Variants in PHF12 observed in about 807,000 individuals in gnomAD.
PHF12 encodes the protein PHD finger protein 12.
PHF12 carries 6 observed loss-of-function variants against 99.8 expected under a neutral mutation model. The ratio of observed to expected loss-of-function variants is 0.06; its 90% CI spans 0.03 to 0.12. The LOEUF (loss-of-function observed/expected upper bound fraction) is 0.12, where lower values mean the gene tolerates loss of function less well. Among genes scored for constraint, PHF12 ranks in the 10% least tolerant of loss-of-function variants. The probability of loss-of-function intolerance (pLI) is 1.00; values close to 1 mark genes in which losing one functional copy is unlikely to be tolerated. For synonymous variants in PHF12, 480 were observed against 514.9 expected, an observed-to-expected ratio of 0.93 and a Z score of 0.92; for missense variants, 954 against 1,300.1, an observed-to-expected ratio of 0.73 and a Z score of 4.09.
At chr17:28,916,723 C>G (rs1211965016) in intron 7 of PHF12, among the ~76,000 whole-genome samples, 1 of 152,230 alleles carries the variant, frequency 6.6e-6, no homozygotes, top group Non-Finnish European at 1.5e-5. Flanking sequence ...TTCTGTCAAT[C>G]TCTGTAAACA....
intron 9 of PHF12, among the ~76,000 whole-genome samples, chr17:28,911,741 G>A (rs552508507): frequency 6.6e-6 from 1 of 152,258 alleles, no homozygotes; most frequent in African/African-American, 2.4e-5. Context: ...TGACTAGGAG[G>A]CCGGCTTCAG....
intron 10 of PHF12, 71 bp downstream of exon 10, chr17:28,911,041 A>G: frequency 6.3e-7 from 1 of 1,592,564 alleles, no homozygotes; most frequent in East Asian, 2.3e-5. Context: ...TTCTGAAATG[A>G]GCTGAATGCT....
chr17:28,909,671 G>A (rs2039926405), intron 11 of PHF12: 1 of 189,398 alleles, frequency 5.3e-6, no homozygotes. Context: ...GCTCACTGCA[G>A]CCTTGACCTC....
intron 3 of PHF12, chr17:28,924,524 G>A: frequency 1.6e-6 from 1 of 608,816 alleles, no homozygotes; most frequent in Non-Finnish European, 2.9e-6. Flanking sequence ...CAAAAAGCAT[G>A]GTAAGTTAGG....
In PHF12 at chr17:28,919,239, A is replaced by G. The variant is rs1450451564; in HGVS notation, c.873T>C (p.Tyr291=). 2.5e-6 allele frequency: 4 copies of G among 1,614,124 alleles called. No individual in the cohort carries two copies. The highest frequency in any genetic ancestry group is 3.4e-6 in the Non-Finnish European group (4 of 1,180,048). The change falls in exon 6 of 15, where the codon TAT becomes TAC. Residue 291 remains tyrosine, a synonymous_variant. Transcript: ENST00000332830. The part of the protein sequence containing the change: ...CRVAPLIQCD[Y]CPLLFHMDCL... ...AATCCATGTGAAACAGGAGAGGGCA[A>G]TAGTCACACTGGATGAGAGGAGCCA... is the stretch of plus-strand genomic sequence containing the variant.
At chr17:28,920,913 G>A (rs1444696204) in intron 5 of PHF12, among the ~76,000 whole-genome samples, 1 of 148,642 alleles carries the variant, frequency 6.7e-6, no homozygotes, top group Non-Finnish European at 1.5e-5. Flanking sequence ...TTGCTCTGTC[G>A]CCCAGGCTGG....
chr17:28,917,549 C>T, intron 6 of PHF12, 100 bp from the exon 7 acceptor site: 1 of 1,324,240 alleles, frequency 7.6e-7, no homozygotes. Flanking sequence ...AGCCCTCAGC[C>T]ACATAGGTTC....
chr17:28,942,328 TG>T (rs2040633177), intron 2 of PHF12, among the ~76,000 whole-genome samples: 1 of 151,988 alleles, frequency 6.6e-6, no homozygotes, highest in African/African-American at 2.4e-5. Context: ...GAGAACAGCC[TG>T]GGTAACACAG....
Position 28,951,476 on chromosome 17 carries a change from C to T in PHF12, c.-516G>A, listed in dbSNP as rs1364966283. On this transcript the variant is annotated 5_prime_UTR_variant, in exon 1 of 15. Transcript: ENST00000332830. ...CTTGGCGCAAACTTACCGCGAGCGC[C>T]CGCAAAGCCACCCGCGCAGGCGCCC... 1.0e-6 allele frequency: 1 copy of T among 985,380 alleles called. No individual in the cohort carries two copies. The highest frequency in any genetic ancestry group is 1.7e-5 in the African/African-American group (1 of 57,234). 61.0% of individuals were successfully genotyped at this position (985,380 alleles called of 1,614,324 possible). A position where few individuals can be genotyped will look rare whatever the true frequency, so the allele number is the denominator to read the frequency against.
chr17:28,937,938 G>A (rs1278176972), intron 2 of PHF12, among the ~76,000 whole-genome samples: 3 of 152,092 alleles, frequency 2.0e-5, no homozygotes, highest in Admixed American at 6.6e-5. Flanking sequence ...TGGCCTCAAC[G>A]GTAATTTTCT....
chr17:28,950,876 TGAG>T lies in PHF12; in HGVS notation c.66+16_66+18del, dbSNP rs1229908832. 2 of 1,611,546 alleles carry T rather than the reference TGAG, an allele frequency of 1.2e-6. No individual in the cohort carries two copies. Among genetic ancestry groups the T allele is most frequent in the South Asian group, 2.2e-5 (2 of 90,906 alleles). ...CCCTCCCGGCGCTGGAGGAAGGAGA[TGAG>T]GAGGGCCACTCTTACCTCCATCAGC... On this transcript the variant is annotated intron_variant, in intron 1 of 14. Transcript: ENST00000332830. The surrounding 1 kb of genome is among the most constrained non-coding windows in gnomAD (Gnocchi z 5.7).
chr17:28,934,144 G>T (rs544466862), intron 2 of PHF12, among the ~76,000 whole-genome samples: 78 of 152,316 alleles, frequency 5.1e-4, no homozygotes, highest in Admixed American at 1.2e-3. Flanking sequence ...CTAAGTGCTG[G>T]TATTTCAGAC....
chr17:28,927,082 G>A lies in PHF12; in HGVS notation c.249-19C>T. The A allele has an allele frequency of 1.9e-6, 3 of 1,605,508 alleles. No homozygotes were observed. Among genetic ancestry groups the A allele is most frequent in the Non-Finnish European group, 2.6e-6 (3 of 1,172,778 alleles). ...AGGGTTACTGTGGGGAACAGACAAG[G>A]GCAAGACTAAATAACTAGCCCTTTG... On this transcript the variant is annotated intron_variant, in intron 2 of 14. Coordinates refer to ENST00000332830, the MANE Select transcript of PHF12 (RefSeq NM_001033561.2).
rs189300962 is a variant in PHF12, at chr17:28,913,906, G to C, written c.1266C>G (p.His422Gln). The C allele has an allele frequency of 2.9e-5, 47 of 1,610,902 alleles. No homozygotes were observed. The East Asian group carries it at 9.8e-4, about 34-fold the overall frequency. ...ESQMHLLNSE[H>Q]LATQAEQQEW... is the part of the protein sequence containing the mutation. The stretch of plus-strand genomic sequence containing the variant: ...CTTGCTGCTCTGCTTGGGTGGCTAA[G>C]TGCTCAGAGTTCAAAAGGTGCATCT... The change falls in exon 8 of 15, where the codon CAC (histidine) becomes CAG (glutamine). Residue 422 changes from histidine to glutamine, a missense_variant. Around this residue, in one of 8 missense-constraint regions of PHF12, gnomAD observed 392 missense variants for 423.1 expected, o/e 0.93. Coordinates refer to ENST00000332830, the MANE Select transcript of PHF12 (RefSeq NM_001033561.2).
chr17:28,948,062 T>C (rs1327286144), intron 2 of PHF12, among the ~76,000 whole-genome samples: 1 of 152,178 alleles, frequency 6.6e-6, no homozygotes, highest in Non-Finnish European at 1.5e-5. Context: ...GGTTTTAGAG[T>C]TTAAAAGCCC....
At chr17:28,943,868 G>T (rs1360545301) in intron 2 of PHF12, among the ~76,000 whole-genome samples, 1 of 152,212 alleles carries the variant, frequency 6.6e-6, no homozygotes, top group Non-Finnish European at 1.5e-5. Context: ...GATTCACTGA[G>T]CTCCTCTGAG....
intron 12 of PHF12, chr17:28,908,337 AT>A (rs1444410270): frequency 1.2e-5 from 2 of 167,868 alleles, no homozygotes; most frequent in East Asian, 1.7e-4. Context: ...TGTCTCTTTT[AT>A]TTTTGAGACA....
chr17:28,940,134 A>C (rs1233833581), intron 2 of PHF12, among the ~76,000 whole-genome samples: 1 of 152,246 alleles, frequency 6.6e-6, no homozygotes, highest in African/African-American at 2.4e-5. Flanking sequence ...AACTTAAAAG[A>C]AAGCAAATGT....
intron 3 of PHF12, chr17:28,925,775 C>T (rs1157452961): frequency 6.6e-6 from 1 of 152,224 alleles, no homozygotes; most frequent in Non-Finnish European, 1.5e-5. Flanking sequence ...CATTCGGTAT[C>T]CATCTATGGC....
Sources: allele counts gnomAD v4.1 joint callset (sites outside exome capture counted in the v4.1 genomes callset), GRCh38; gene constraint gnomAD v4.1.1; regional missense constraint gnomAD v4.1.1; non-coding constraint Gnocchi (gnomAD v3.1); transcripts MANE v1.5; gene names NCBI Gene and HGNC (gene_info 2026-07-23, HGNC 2026-07-21).